PDLIM5: variants seen among roughly 807,000 people sequenced by gnomAD.
The protein encoded by PDLIM5 is PDZ and LIM domain protein 5.
PDLIM5 carries 34 observed loss-of-function variants against 64.2 expected under a neutral mutation model. The observed-to-expected ratio is 0.53, with a 90% CI of 0.40 to 0.71. PDLIM5 has a LOEUF of 0.71. Ranked by LOEUF, PDLIM5 falls within the 30% of genes least tolerant of loss-of-function variation. PDLIM5 has a pLI of 0.00. For missense variants in PDLIM5, 683 were observed against 733.6 expected, an observed-to-expected ratio of 0.93 and a Z score of 0.80; for synonymous variants, 253 against 269.1, an observed-to-expected ratio of 0.94 and a Z score of 0.59.
intron 8 of PDLIM5, among the ~76,000 whole-genome samples, chr4:94,620,073 A>G (rs989832306): frequency 1.3e-5 from 2 of 152,050 alleles, no homozygotes; most frequent in African/African-American, 4.8e-5. Flanking sequence ...GCTTCACCCA[A>G]TTTATAATCT....
At chr4:94,556,489 C>T in intron 3 of PDLIM5, among the ~76,000 whole-genome samples, 1 of 152,186 alleles carries the variant, frequency 6.6e-6, no homozygotes, top group East Asian at 1.9e-4. Context: ...ACACTGTCTT[C>T]CACAATGGTT....
Position 94,585,581 on chromosome 4 carries a change from AT to A in PDLIM5, c.729del (p.Ile243MetfsTer22). The A allele has an allele frequency of 6.3e-7, 1 of 1,596,052 alleles. No homozygotes were observed. Among genetic ancestry groups the A allele is most frequent in the Non-Finnish European group, 8.6e-7 (1 of 1,168,888 alleles). On this transcript the variant is annotated frameshift_variant, in exon 6 of 13. Coordinates refer to ENST00000317968, the MANE Select transcript of PDLIM5 (RefSeq NM_006457.5). LOFTEE classifies it high-confidence loss of function. ...KQQNGPPRKH[I>X]VERYTEFYHV... ...TAACCCTAGCCCACCAAGAAAACACATTGTGGAGCGCTATACAGAGTTTTAT... is the reference window on the plus strand; with the variant it reads ...TAACCCTAGCCCACCAAGAAAACACATGTGGAGCGCTATACAGAGTTTTAT...
At position 94,591,540 on chromosome 4, in the gene PDLIM5, GCAGA is replaced by G. The variant is rs574112813; in HGVS notation, c.920+5100_920+5103del. Among the ~76,000 whole-genome samples, 110 of 152,320 alleles carry G rather than the reference GCAGA, an allele frequency of 7.2e-4. 5 individuals are homozygous for G. The South Asian group carries it at 0.022, about 31-fold the overall frequency. On this transcript the variant is annotated intron_variant, in intron 7 of 12. Transcript: ENST00000317968. ...AGCCCCTTCACAAATCACCTCAGCT[GCAGA>G]CAGTCCCTCTTCAAGACCCTAGGCT...
At chr4:94,561,959 G>A (rs1214101138) in intron 3 of PDLIM5, among the ~76,000 whole-genome samples, 4 of 152,198 alleles carry the variant, frequency 2.6e-5, no homozygotes, top group East Asian at 1.9e-4. Context: ...AGCAAATTTG[G>A]TGGCAGTGAG....
chr4:94,666,606 G>T lies in PDLIM5; in HGVS notation c.*2539G>T, dbSNP rs1743092136. On this transcript the variant is annotated 3_prime_UTR_variant, in exon 13 of 13. Coordinates refer to ENST00000317968, the MANE Select transcript of PDLIM5 (RefSeq NM_006457.5). Reference sequence around the variant, plus strand: ...TGTTTGTTTAGTTTTGCCTTCATAGGTTATATGCCAAGATAGTATTTGATA... The same window carrying T: ...TGTTTGTTTAGTTTTGCCTTCATAGTTTATATGCCAAGATAGTATTTGATA... 1 of 152,582 alleles carries T rather than the reference G, an allele frequency of 6.6e-6. No homozygotes were observed. The highest frequency in any genetic ancestry group is 1.5e-5 in the Non-Finnish European group (1 of 68,052). 9.5% of individuals were successfully genotyped at this position (152,582 alleles called of 1,614,324 possible).
intron 5 of PDLIM5, among the ~76,000 whole-genome samples, chr4:94,577,742 AG>A (rs757388490): frequency 5.8e-4 from 88 of 152,254 alleles, no homozygotes; most frequent in Non-Finnish European, 1.0e-3. Flanking sequence ...CAAGTTCAGT[AG>A]AAAAACATCC....
Position 94,664,795 on chromosome 4 carries a change from G to A in PDLIM5, c.*728G>A, listed in dbSNP as rs1282317797. On this transcript the variant is annotated 3_prime_UTR_variant, in exon 13 of 13. Coordinates refer to ENST00000317968, the MANE Select transcript of PDLIM5 (RefSeq NM_006457.5). Reference sequence around the variant, plus strand: ...TGAGGCACGAGAATCACTTGAACCCGGGAGGGAGAGGTTGCAGTGAGCCAA... The same window carrying A: ...TGAGGCACGAGAATCACTTGAACCCAGGAGGGAGAGGTTGCAGTGAGCCAA... The A allele has an allele frequency of 1.2e-5, 3 of 253,524 alleles. No homozygotes were observed. Among genetic ancestry groups the A allele is most frequent in the Non-Finnish European group, 1.9e-5 (3 of 161,030 alleles). The allele number at this position is 253,524 out of a possible 1,614,324, so 15.7% of individuals were successfully genotyped here. A position where few individuals can be genotyped will look rare whatever the true frequency, so the allele number is the denominator to read the frequency against.
At chr4:94,546,740 A>G (rs1004808947) in intron 3 of PDLIM5, among the ~76,000 whole-genome samples, 1 of 152,170 alleles carries the variant, frequency 6.6e-6, no homozygotes, top group African/African-American at 2.4e-5. Flanking sequence ...CAAAAACACC[A>G]GGGATATTAA....
chr4:94,498,382 T>C (rs919664444), intron 2 of PDLIM5, among the ~76,000 whole-genome samples: 2 of 152,198 alleles, frequency 1.3e-5, no homozygotes, highest in Non-Finnish European at 2.9e-5. Context: ...TTCACACATA[T>C]GGGTCTTCTT....
intron 3 of PDLIM5, among the ~76,000 whole-genome samples, chr4:94,557,559 G>C (rs1427234744): frequency 1.3e-5 from 2 of 152,166 alleles, no homozygotes; most frequent in African/African-American, 2.4e-5. Flanking sequence ...TCTTCCATTT[G>C]TTTGTGTCTT....
chr4:94,610,266 A>G (rs10017461), intron 7 of PDLIM5: 1,413,547 of 1,519,238 alleles, frequency 0.93, 663,704 homozygotes, highest in Non-Finnish European at 0.96. Context: ...TGAGCAGCGC[A>G]GCTGCTACTG....
In PDLIM5 at chr4:94,523,354, A is replaced by C. The variant is rs540311763; in HGVS notation, c.97-370A>C. 5.8e-4 allele frequency among the ~76,000 whole-genome samples: 88 copies of C among 152,332 alleles called. 1 individual carries two copies. The Middle Eastern group carries it at 0.014, about 24-fold the overall frequency. ...AAAAATTATTTCTAAAAGAGTATAAAAACCCCATTCAGATTGCATTCTTTT... is the reference window on the plus strand; with the variant it reads ...AAAAATTATTTCTAAAAGAGTATAACAACCCCATTCAGATTGCATTCTTTT... On this transcript the variant is annotated intron_variant, in intron 2 of 12. Transcript: ENST00000317968.
chr4:94,615,839 T>G (rs1738742676), intron 7 of PDLIM5, among the ~76,000 whole-genome samples: 2 of 152,194 alleles, frequency 1.3e-5, no homozygotes, highest in Admixed American at 1.3e-4. Flanking sequence ...TAGATTTCAC[T>G]CCTTGAAATT....
chr4:94,582,901 A>G (rs1488172751), intron 5 of PDLIM5: 2 of 583,616 alleles, frequency 3.4e-6, no homozygotes, highest in East Asian at 2.9e-5. Context: ...TTTTGTATGC[A>G]TCAGAGGTAT....
intron 9 of PDLIM5, among the ~76,000 whole-genome samples, chr4:94,643,573 G>T (rs1741172528): frequency 6.6e-6 from 1 of 152,130 alleles, no homozygotes; most frequent in Non-Finnish European, 1.5e-5. Flanking sequence ...ATTACATGGA[G>T]TTAACGGAAC....
At chr4:94,509,678 A>G (rs1185517272) in intron 2 of PDLIM5, among the ~76,000 whole-genome samples, 1 of 152,210 alleles carries the variant, frequency 6.6e-6, no homozygotes, top group Non-Finnish European at 1.5e-5. Flanking sequence ...GCTGAGGAGC[A>G]AGGAGAGCCA....
intron 7 of PDLIM5, among the ~76,000 whole-genome samples, chr4:94,613,839 T>A (rs539213076): frequency 6.6e-6 from 1 of 152,054 alleles, no homozygotes; most frequent in Admixed American, 6.6e-5. Flanking sequence ...AAAATAGCAA[T>A]CTAATTTAAG....
chr4:94,479,072 T>C (rs1725611331), intron 2 of PDLIM5, among the ~76,000 whole-genome samples: 1 of 151,458 alleles, frequency 6.6e-6, no homozygotes, highest in Non-Finnish European at 1.5e-5. Flanking sequence ...GATAATTTTT[T>C]TTTTTTGGTA....
chr4:94,663,633 CGTT>C (rs1441396828), intron 12 of PDLIM5, among the ~76,000 whole-genome samples: 1 of 152,042 alleles, frequency 6.6e-6, no homozygotes, highest in Non-Finnish European at 1.5e-5. Context: ...AAAATTAGGA[CGTT>C]GTTTATAATT....
Sources: allele counts gnomAD v4.1 joint callset (sites outside exome capture counted in the v4.1 genomes callset), GRCh38; gene constraint gnomAD v4.1.1; transcripts MANE v1.5; gene names NCBI Gene and HGNC (gene_info 2026-07-23, HGNC 2026-07-21).